Variants in CNGB1 observed in about 807,000 individuals in gnomAD.
CNGB1 encodes the protein cyclic nucleotide-gated channel beta-1.
CNGB1 carries 126 observed loss-of-function variants against 151.7 expected under a neutral mutation model. That is an observed-to-expected ratio of 0.83 (90% confidence interval 0.72 to 0.96). CNGB1 has a LOEUF of 0.96. Among genes scored for constraint, CNGB1 ranks in the 40% least tolerant of loss-of-function variants. CNGB1 has a pLI of 0.00. For synonymous variants in CNGB1, 623 were observed against 635.1 expected (o/e 0.98, Z 0.29); for missense variants, 1,698 against 1,627.0 (o/e 1.04, Z -0.75).
intron 4 of CNGB1, chr16:57,963,837 C>T (rs761580682): frequency 1.2e-5 from 6 of 487,066 alleles, no homozygotes; most frequent in Non-Finnish European, 2.2e-5. Flanking sequence ...AGTGAATTAA[C>T]AGTCTAATGA....
chr16:57,896,642 G>T (rs1960235194), intron 31 of CNGB1, among the ~76,000 whole-genome samples: 1 of 151,902 alleles, frequency 6.6e-6, no homozygotes, highest in African/African-American at 2.4e-5. Flanking sequence ...GAATCCAGGA[G>T]GCAGAGGTTG....
rs547549398 is a variant in CNGB1 at position 57,884,368 on chromosome 16, G to C, written c.3552C>G (p.Pro1184=). The C allele has an allele frequency of 1.3e-5, 21 of 1,611,548 alleles. No homozygotes were observed. The South Asian group carries it at 1.5e-4, about 12-fold the overall frequency. The change falls in exon 33 of 33, where the codon CCC becomes CCG. Residue 1184 remains proline (P), a synonymous_variant. Transcript: ENST00000251102. ...THPKEAATDP[P]APRTPPEPPG... ...GGGGCTCGGGGGGCGTCCGGGGCGC[G>C]GGTGGGTCGGTGGCGGCCTCCTTTG...
intron 14 of CNGB1, among the ~76,000 whole-genome samples, chr16:57,941,267 C>T (rs1442915517): frequency 6.6e-6 from 1 of 152,086 alleles, no homozygotes; most frequent in Non-Finnish European, 1.5e-5. Context: ...TTCCTAACAC[C>T]CCCTCCCCAC....
At chr16:57,939,701 T>A (rs1000896260) in intron 15 of CNGB1, 109 bp from the exon 16 acceptor site, 13 of 1,465,534 alleles carry the variant, frequency 8.9e-6, no homozygotes, top group Middle Eastern at 1.7e-4. Context: ...CCAGTTCTGC[T>A]TCTTGCCCTG....
intron 19 of CNGB1, among the ~76,000 whole-genome samples, chr16:57,920,077 T>C (rs1419321079): frequency 6.6e-6 from 1 of 152,138 alleles, no homozygotes; most frequent in African/African-American, 2.4e-5. Flanking sequence ...TGTAAGACCA[T>C]AAGATACATT....
intron 2 of CNGB1, 35 bp from the exon 3 acceptor site, chr16:57,964,579 G>A: frequency 1.9e-6 from 3 of 1,612,512 alleles, no homozygotes; most frequent in South Asian, 1.1e-5. Flanking sequence ...TAAGTCCTAG[G>A]TGAGACCAGC....
chr16:57,903,517 CACAA>C (rs1567369069), intron 27 of CNGB1, among the ~76,000 whole-genome samples: 2 of 152,072 alleles, frequency 1.3e-5, no homozygotes, highest in South Asian at 2.1e-4. Context: ...TAAACAAACA[CACAA>C]ACAAACTACA....
At chr16:57,962,228 A>T (rs1443957584) in intron 7 of CNGB1, among the ~76,000 whole-genome samples, 2 of 152,152 alleles carry the variant, frequency 1.3e-5, no homozygotes. Context: ...TGTCCCCCAC[A>T]GTGATCCAAG....
Position 57,951,297 on chromosome 16 carries a change from TC to T in CNGB1, c.875-758del, listed in dbSNP as rs151151230. On this transcript the variant is annotated intron_variant, in intron 12 of 32. Coordinates refer to ENST00000251102, the MANE Select transcript of CNGB1 (RefSeq NM_001297.5). ...AAGGACAATGCCTGAATACTAGGTG[TC>T]CCCCGAAAGCTCCAGGGATCTTGGT... Among the ~76,000 whole-genome samples, 1,332 of 151,536 alleles carry T rather than the reference TC, an allele frequency of 8.8e-3. 16 individuals carry two copies. Among genetic ancestry groups the T allele is most frequent in the African/African-American group, 0.03 (1,258 of 41,334 alleles).
intron 22 of CNGB1, 47 bp downstream of exon 22, chr16:57,916,082 C>G: frequency 6.2e-7 from 1 of 1,602,120 alleles, no homozygotes; most frequent in Non-Finnish European, 8.6e-7. Flanking sequence ...TGAGGCACCC[C>G]CTTCTGAAAC....
intron 29 of CNGB1, 47 bp downstream of exon 29, chr16:57,901,305 G>A: frequency 1.9e-6 from 3 of 1,583,168 alleles, no homozygotes; most frequent in Non-Finnish European, 2.6e-6. Context: ...TGAAAGCCAG[G>A]GGGATGGTGA....
At chr16:57,894,080 A>G (rs1960162503) in intron 31 of CNGB1, among the ~76,000 whole-genome samples, 1 of 152,202 alleles carries the variant, frequency 6.6e-6, no homozygotes, top group Admixed American at 6.5e-5. Flanking sequence ...AACAATGCAA[A>G]ATACGGATGC....
intron 29 of CNGB1, among the ~76,000 whole-genome samples, chr16:57,899,980 TAA>T (rs2149356707): frequency 6.6e-6 from 1 of 152,356 alleles, no homozygotes; most frequent in East Asian, 1.9e-4. Flanking sequence ...TTTTCTCATT[TAA>T]AGCAAACTCT....
chr16:57,960,074 C>T lies in CNGB1; in HGVS notation c.584-9G>A, dbSNP rs150499027. The stretch of plus-strand genomic sequence containing the variant: ...GGGGCGTCCTGGAGGCGCTAAGCAG[C>T]GGGGAAAGCAGGAGCTAGAGACGCC... On this transcript the variant is annotated splice_polypyrimidine_tract_variant and intron_variant, in intron 9 of 32. Transcript: ENST00000251102. The T allele has an allele frequency of 7.0e-5, 109 of 1,546,118 alleles. No individual in the cohort carries two copies. Among genetic ancestry groups the T allele is most frequent in the African/African-American group, 8.1e-5 (6 of 73,698 alleles).
At chr16:57,962,221 C>T (rs1401089978) in intron 7 of CNGB1, among the ~76,000 whole-genome samples, 1 of 152,178 alleles carries the variant, frequency 6.6e-6, no homozygotes, top group Non-Finnish European at 1.5e-5. Context: ...ACCCTGATGT[C>T]CCCCACAGTG....
At position 57,908,505 on chromosome 16, in the gene CNGB1, A is replaced by G. The variant is rs115723286; in HGVS notation, c.2492+3248T>C. Among the ~76,000 whole-genome samples the G allele has an allele frequency of 6.0e-3, 912 of 152,260 alleles. 13 individuals are homozygous for G. Among genetic ancestry groups the G allele is most frequent in the African/African-American group, 0.021 (854 of 41,568 alleles). Reference sequence around the variant, plus strand: ...CTTCTTCCACCTTCTCATCCTCACTATGGCTGACTGAGCGCCCACTGTGCC... The same window carrying G: ...CTTCTTCCACCTTCTCATCCTCACTGTGGCTGACTGAGCGCCCACTGTGCC... On this transcript the variant is annotated intron_variant, in intron 25 of 32. Coordinates refer to ENST00000251102, the MANE Select transcript of CNGB1 (RefSeq NM_001297.5).
rs182381137 is a variant in CNGB1 at position 57,931,392 on chromosome 16, C to T, written c.1535+324G>A. ...CTGGTCTTAAACTCCTGGCCTCAAA[C>T]GATCCACCCACCTCAGCCTCGCAAA... On this transcript the variant is annotated intron_variant, in intron 17 of 32. Coordinates refer to ENST00000251102, the MANE Select transcript of CNGB1 (RefSeq NM_001297.5). Among the ~76,000 whole-genome samples, 38 of 152,160 alleles carry T rather than the reference C, an allele frequency of 2.5e-4. No homozygotes were observed. In the East Asian group the frequency reaches 5.6e-3, roughly 22 times the overall value.
At chr16:57,949,476 G>A (rs931026280) in intron 13 of CNGB1, 37 bp from the exon 14 acceptor site, 34 of 1,612,402 alleles carry the variant, frequency 2.1e-5, no homozygotes, top group Admixed American at 6.7e-5. Flanking sequence ...GAGCCCACCC[G>A]AAGCTGCCCC....
intron 15 of CNGB1, 126 bp downstream of exon 15, chr16:57,940,108 C>T: frequency 6.4e-6 from 6 of 940,416 alleles, no homozygotes; most frequent in Middle Eastern, 2.1e-4. Context: ...CGCCACCCTG[C>T]TCCCTCTGTC....
Sources: gnomAD v4.1 joint callset for allele counts (sites outside exome capture counted in the v4.1 genomes callset) on GRCh38, gnomAD v4.1.1 for gene constraint, MANE v1.5 for transcripts, NCBI Gene and HGNC (gene_info 2026-07-23, HGNC 2026-07-21) for gene names.